The following KCNMB2 variants were observed in gnomAD, a reference collection of about 807,000 sequenced individuals.
KCNMB2 encodes calcium-activated potassium channel subunit beta-2.
KCNMB2 carries 9 observed loss-of-function variants against 24.5 expected under a neutral mutation model. That is an observed-to-expected ratio of 0.37 (90% CI 0.22 to 0.64). KCNMB2 has a LOEUF of 0.64. Ranked by LOEUF, KCNMB2 falls within the 30% of genes least tolerant of loss-of-function variation. KCNMB2 has a pLI of 0.63. For synonymous variants in KCNMB2, 109 were observed against 104.4 expected, an observed-to-expected ratio of 1.04 and a Z score of -0.27; for missense variants, 226 against 284.3, an observed-to-expected ratio of 0.79 and a Z score of 1.47.
chr3:178,751,561 G>A lies in KCNMB2; in HGVS notation c.-67-55782G>A, dbSNP rs74381184. ...TGCACTCCAGCCCGAGCAACAGTGC[G>A]AGACTCCGTCTCAAAAAAAAAAAAA... On this transcript the variant is annotated intron_variant, in intron 1 of 4. Coordinates refer to ENST00000452583, the MANE Select transcript of KCNMB2 (RefSeq NM_181361.3). Among the ~76,000 whole-genome samples, 193 of 117,450 alleles carry A rather than the reference G, an allele frequency of 1.6e-3. 5 individuals carry two copies. In the East Asian group the frequency reaches 0.041, roughly 25 times the overall value. 77.1% of individuals were successfully genotyped at this position (117,450 alleles called of 152,430 possible). A position where few individuals can be genotyped will look rare whatever the true frequency, so the allele number is the denominator to read the frequency against.
intron 1 of KCNMB2, among the ~76,000 whole-genome samples, chr3:178,742,869 A>G (rs1463258892): frequency 6.6e-6 from 1 of 152,136 alleles, no homozygotes; most frequent in African/African-American, 2.4e-5. Flanking sequence ...GCCAATAAAT[A>G]TGCAATCCAG....
chr3:178,808,122 G>A (rs1350723597), intron 2 of KCNMB2, among the ~76,000 whole-genome samples: 2 of 152,064 alleles, frequency 1.3e-5, no homozygotes, highest in African/African-American at 4.8e-5. Context: ...GGAAAAATGA[G>A]GGAATAAGAA....
chr3:178,664,495 A>G (rs1369211840), intron 1 of KCNMB2, among the ~76,000 whole-genome samples: 1 of 152,052 alleles, frequency 6.6e-6, no homozygotes, highest in Non-Finnish European at 1.5e-5. Context: ...CTTTTCATCA[A>G]TTTTGGCTAG....
intron 2 of KCNMB2, among the ~76,000 whole-genome samples, chr3:178,822,225 G>A (rs1384998106): frequency 6.6e-6 from 1 of 152,156 alleles, no homozygotes; most frequent in African/African-American, 2.4e-5. Flanking sequence ...CTTTGTTCAT[G>A]TGAGTCTTTC....
chr3:178,722,896 GA>G (rs1437125381), intron 1 of KCNMB2, among the ~76,000 whole-genome samples: 1 of 151,962 alleles, frequency 6.6e-6, no homozygotes, highest in Non-Finnish European at 1.5e-5. Flanking sequence ...CTGTCTTAAA[GA>G]AAAAAAGTTC....
intron 1 of KCNMB2, among the ~76,000 whole-genome samples, chr3:178,793,420 A>G (rs1451872523): frequency 6.6e-6 from 1 of 151,966 alleles, no homozygotes. Flanking sequence ...ATGATAAGAT[A>G]AAGTTTCTCT....
intron 1 of KCNMB2, among the ~76,000 whole-genome samples, chr3:178,770,159 G>A (rs972100971): frequency 6.6e-6 from 1 of 152,106 alleles, no homozygotes; most frequent in Non-Finnish European, 1.5e-5. Flanking sequence ...GAGCCAGTTC[G>A]GGTACTAAAT....
intron 4 of KCNMB2, among the ~76,000 whole-genome samples, chr3:178,837,362 T>A (rs4131534): frequency 0.64 from 97,967 of 152,048 alleles, 33,483 homozygotes; most frequent in African/African-American, 0.87. Context: ...CATTATATAG[T>A]TTCAAAAAAA....
intron 1 of KCNMB2, among the ~76,000 whole-genome samples, chr3:178,713,902 C>CT (rs1164711586): frequency 6.6e-6 from 1 of 152,186 alleles, no homozygotes; most frequent in Non-Finnish European, 1.5e-5. Context: ...GCATGAATCC[C>CT]TCATCATTAA....
At chr3:178,576,343 C>T (rs1349030284) in intron 1 of KCNMB2, among the ~76,000 whole-genome samples, 1 of 152,154 alleles carries the variant, frequency 6.6e-6, no homozygotes, top group East Asian at 1.9e-4. Flanking sequence ...GTCTTTGCAA[C>T]CTGCAGACCA....
At chr3:178,724,919 T>C (rs79125896) in intron 1 of KCNMB2, among the ~76,000 whole-genome samples, 12,256 of 152,198 alleles carry the variant, frequency 0.081, 651 homozygotes, top group Middle Eastern at 0.14. Flanking sequence ...TGTAGTATAG[T>C]TCGAAGTTGG....
intron 1 of KCNMB2, among the ~76,000 whole-genome samples, chr3:178,685,251 G>A (rs1459106330): frequency 1.3e-5 from 2 of 152,222 alleles, no homozygotes; most frequent in East Asian, 3.8e-4. Flanking sequence ...TGATAAATAG[G>A]GGTGAAGGTG....
chr3:178,705,528 A>C lies in KCNMB2; in HGVS notation c.-67-101815A>C, dbSNP rs1407284554. 5.9e-5 allele frequency among the ~76,000 whole-genome samples: 9 copies of C among 152,196 alleles called. No individual in the cohort carries two copies. In the East Asian group the frequency reaches 1.7e-3, roughly 29 times the overall value. On this transcript the variant is annotated intron_variant, in intron 1 of 4. Coordinates refer to ENST00000452583, the MANE Select transcript of KCNMB2 (RefSeq NM_181361.3). The stretch of plus-strand genomic sequence containing the variant: ...AGAGAGTAGGTTTTATTTTCATAAA[A>C]TTAAAGATTACAGAAATGTTGTTCA...
chr3:178,640,748 T>A lies in KCNMB2; in HGVS notation c.-68+104037T>A, dbSNP rs547770801. On this transcript the variant is annotated intron_variant, in intron 1 of 4. Coordinates refer to ENST00000452583, the MANE Select transcript of KCNMB2 (RefSeq NM_181361.3). ...TCTCTCATAGATTGTGCTTTGGGGG[T>A]TGTACTAAAAACTGAGAACCAAATC... 5.8e-4 allele frequency among the ~76,000 whole-genome samples: 89 copies of A among 152,254 alleles called. No individual in the cohort carries two copies. In the South Asian group the frequency reaches 0.018, roughly 30 times the overall value.
At chr3:178,731,670 G>A (rs987442774) in intron 1 of KCNMB2, among the ~76,000 whole-genome samples, 3 of 152,166 alleles carry the variant, frequency 2.0e-5, no homozygotes, top group African/African-American at 4.8e-5. Context: ...TTGGGAGGCC[G>A]AGGTGGGTGG....
chr3:178,600,606 A>T (rs190713567), intron 1 of KCNMB2, among the ~76,000 whole-genome samples: 50 of 152,274 alleles, frequency 3.3e-4, no homozygotes, highest in Middle Eastern at 3.4e-3. Flanking sequence ...GTAGGGAGGG[A>T]TCTGCTGCTT....
intron 1 of KCNMB2, among the ~76,000 whole-genome samples, chr3:178,568,773 TGATAGATAGATA>T (rs5854804): frequency 6.6e-4 from 77 of 116,020 alleles, no homozygotes; most frequent in East Asian, 1.0e-3. Context: ...GATAGATAGA[TGATAGATAGATA>T]GATAGATAGA....
chr3:178,777,125 T>C lies in KCNMB2; in HGVS notation c.-67-30218T>C, dbSNP rs114045654. Among the ~76,000 whole-genome samples, 1,205 of 152,108 alleles carry C rather than the reference T, an allele frequency of 7.9e-3. 15 individuals carry two copies. The highest frequency in any genetic ancestry group is 0.028 in the African/African-American group (1,172 of 41,476). On this transcript the variant is annotated intron_variant, in intron 1 of 4. Coordinates refer to ENST00000452583, the MANE Select transcript of KCNMB2 (RefSeq NM_181361.3). ...TATGCCATGTGAAGAATAATTGTAG[T>C]TATATGCAACTTACAGTAAAGAAAT...
intron 1 of KCNMB2, among the ~76,000 whole-genome samples, chr3:178,539,656 A>G (rs1274827327): frequency 6.6e-6 from 1 of 152,010 alleles, no homozygotes; most frequent in East Asian, 1.9e-4. Flanking sequence ...GAAAAACAGC[A>G]TTATCCTTTT....
Sources: allele counts gnomAD v4.1 joint callset (sites outside exome capture counted in the v4.1 genomes callset), GRCh38; gene constraint gnomAD v4.1.1; transcripts MANE v1.5; gene names NCBI Gene and HGNC (gene_info 2026-07-23, HGNC 2026-07-21).